SHC3: variants seen among roughly 807,000 people sequenced by gnomAD.
The protein encoded by SHC3 is SHC adaptor protein 3.
A neutral mutation model predicts 60.4 loss-of-function variants in SHC3; 15 were observed. The ratio of observed to expected loss-of-function variants is 0.25; its 90% CI spans 0.17 to 0.38. The LOEUF (loss-of-function observed/expected upper bound fraction) is 0.38. Ranked by LOEUF, SHC3 falls within the 10% of genes least tolerant of loss-of-function variation. The probability of loss-of-function intolerance (pLI) is 1.00; values close to 1 mark genes in which losing one functional copy is unlikely to be tolerated. For synonymous variants in SHC3, 294 were observed against 325.9 expected (o/e 0.90, Z 1.05); for missense variants, 677 against 786.1 (o/e 0.86, Z 1.66).
At chr9:89,137,008 A>G (rs542686311) in intron 1 of SHC3, among the ~76,000 whole-genome samples, 2 of 152,150 alleles carry the variant, frequency 1.3e-5, no homozygotes, top group Non-Finnish European at 2.9e-5. Flanking sequence ...CACATCTTAC[A>G]TGCTTGGAGC....
Position 89,046,841 on chromosome 9 carries a change from T to C in SHC3, c.1113+3A>G. On this transcript the variant is annotated splice_donor_region_variant and intron_variant, in intron 8 of 11. Transcript: ENST00000375835. ...TATATAAGAAAAAAACTATAAGACT[T>C]ACCTGGGCTGTGTCAGGAGCATGGG... 1 of 1,585,176 alleles carries C rather than the reference T, an allele frequency of 6.3e-7. No homozygotes were observed. The highest frequency in any genetic ancestry group is 8.6e-7 in the Non-Finnish European group (1 of 1,168,248).
At chr9:89,136,026 C>T (rs1312211638) in intron 1 of SHC3, among the ~76,000 whole-genome samples, 2 of 152,276 alleles carry the variant, frequency 1.3e-5, no homozygotes, top group Admixed American at 1.3e-4. Flanking sequence ...CCAGATATCA[C>T]ATTTTGTCAG....
At chr9:89,024,923 G>A (rs1039231985) in intron 11 of SHC3, among the ~76,000 whole-genome samples, 7 of 152,170 alleles carry the variant, frequency 4.6e-5, no homozygotes, top group African/African-American at 1.2e-4. Context: ...GTGGTGTGGC[G>A]GGGAACCCAG....
Position 89,077,873 on chromosome 9 carries a change from C to A in SHC3, c.576G>T (p.Val192=). 1 of 1,614,242 alleles carries A rather than the reference C, an allele frequency of 6.2e-7. No homozygotes were observed. The change falls in exon 3 of 12, where the codon GTG becomes GTT. Residue 192 remains valine (V), a synonymous_variant. Coordinates refer to ENST00000375835, the MANE Select transcript of SHC3 (RefSeq NM_016848.6). ...TCTTGAAGGCTCCCTTCGCACCAGG[C>A]ACAGCTTCACAGACGCGGCTGATGG... The part of the protein sequence containing the change: ...REAISRVCEA[V]PGAKGAFKKR...
chr9:89,020,095 C>A (rs770246222), intron 11 of SHC3, among the ~76,000 whole-genome samples: 7 of 152,116 alleles, frequency 4.6e-5, no homozygotes, highest in Non-Finnish European at 2.9e-5. Context: ...AGGTAGAGAT[C>A]CCCAAGGTTT....
At chr9:89,128,651 C>A (rs1052250299) in intron 1 of SHC3, among the ~76,000 whole-genome samples, 1 of 152,170 alleles carries the variant, frequency 6.6e-6, no homozygotes, top group African/African-American at 2.4e-5. Flanking sequence ...CTGGAGTGGA[C>A]CTCCAGCAAA....
intron 2 of SHC3, chr9:89,088,516 G>C (rs1157237528): frequency 2.0e-5 from 3 of 152,190 alleles, no homozygotes; most frequent in Non-Finnish European, 4.4e-5. Flanking sequence ...TACAGAGTTT[G>C]ACTGTTTTTG....
At chr9:89,152,613 C>T (rs949563362) in intron 1 of SHC3, among the ~76,000 whole-genome samples, 1 of 152,226 alleles carries the variant, frequency 6.6e-6, no homozygotes, top group African/African-American at 2.4e-5. Flanking sequence ...TAACATGGCA[C>T]ATCCGTCTGA....
At position 89,012,739 on chromosome 9, in the gene SHC3, T is replaced by C. The variant is rs976860698; in HGVS notation, c.*708A>G. On this transcript the variant is annotated 3_prime_UTR_variant, in exon 12 of 12. Transcript: ENST00000375835. ...CATGAAATGAATTCCCAAGTACTCC[T>C]CGCACAACTGGGGTCAAGGGTGGCG... 20 of 152,328 alleles carry C rather than the reference T, an allele frequency of 1.3e-4. No homozygotes were observed. The highest frequency in any genetic ancestry group is 4.3e-4 in the African/African-American group (18 of 41,560). The allele number at this position is 152,328 out of a possible 1,614,324, so 9.4% of individuals were successfully genotyped here.
Position 89,010,004 on chromosome 9 carries a change from C to T in SHC3, c.*3443G>A, listed in dbSNP as rs928922353. 1 of 152,240 alleles carries T rather than the reference C, an allele frequency of 6.6e-6. No homozygotes were observed. Among genetic ancestry groups the T allele is most frequent in the African/African-American group, 2.4e-5 (1 of 41,468 alleles). The allele number at this position is 152,240 out of a possible 1,614,324, so 9.4% of individuals were successfully genotyped here. On this transcript the variant is annotated 3_prime_UTR_variant, in exon 12 of 12. Transcript: ENST00000375835. ...CCTTTAGGGTCCACCCTTCCCTAGG[C>T]CTGTCCTTCCTTTTAAGTTAGGACT...
At chr9:89,027,860 G>A (rs560604567) in intron 11 of SHC3, among the ~76,000 whole-genome samples, 2 of 152,236 alleles carry the variant, frequency 1.3e-5, no homozygotes, top group South Asian at 2.1e-4. Context: ...CAGTGGAGGA[G>A]AGGGACCCTT....
In SHC3 at chr9:89,076,156, A is replaced by G. The variant is rs781341889; in HGVS notation, c.610-928T>C. ...TGAGGATGCCCCAGGATGAGCTGGG[A>G]CCTGGAAGATGAGATTCCCCTTCTT... is the stretch of plus-strand genomic sequence containing the variant. On this transcript the variant is annotated intron_variant, in intron 3 of 11. Transcript: ENST00000375835. Among the ~76,000 whole-genome samples, 32 of 151,968 alleles carry G rather than the reference A, an allele frequency of 2.1e-4. 1 individual carries two copies. Among genetic ancestry groups the G allele is most frequent in the Non-Finnish European group, 3.5e-4 (24 of 67,970 alleles).
intron 2 of SHC3, among the ~76,000 whole-genome samples, chr9:89,089,297 G>C (rs1455796753): frequency 6.6e-6 from 1 of 152,230 alleles, no homozygotes; most frequent in African/African-American, 2.4e-5. Context: ...GGAAACCTTA[G>C]AAAGGACCTG....
chr9:89,028,811 C>CTA (rs1259799479), intron 11 of SHC3, among the ~76,000 whole-genome samples: 2 of 144,780 alleles, frequency 1.4e-5, no homozygotes, highest in Non-Finnish European at 3.0e-5. Context: ...TCATCTATAT[C>CTA]TATATATAGC....
intron 11 of SHC3, among the ~76,000 whole-genome samples, chr9:89,019,044 G>C (rs1826153614): frequency 6.8e-6 from 1 of 147,480 alleles, no homozygotes; most frequent in South Asian, 2.1e-4. Context: ...GAGCGACAGA[G>C]CAAGACTCTG....
intron 8 of SHC3, 151 bp downstream of exon 8, chr9:89,046,693 T>C (rs1387940832): frequency 1.1e-6 from 1 of 912,824 alleles, no homozygotes; most frequent in Non-Finnish European, 1.5e-6. Flanking sequence ...TTCATCTGCA[T>C]GCCTCATGAA....
At chr9:89,027,291 T>C (rs1826327501) in intron 11 of SHC3, among the ~76,000 whole-genome samples, 1 of 151,646 alleles carries the variant, frequency 6.6e-6, no homozygotes, top group Non-Finnish European at 1.5e-5. Context: ...TTTTGAAGTT[T>C]TTGACAGTAG....
At chr9:89,175,278 C>T (rs1826926841) in intron 1 of SHC3, among the ~76,000 whole-genome samples, 1 of 152,196 alleles carries the variant, frequency 6.6e-6, no homozygotes, top group Non-Finnish European at 1.5e-5. Context: ...TAAGCTGCAG[C>T]CTTTCTGTGT....
chr9:89,027,327 A>ATTTTTTTTTTTTTTTTTTTTTTTT (rs540788767), intron 11 of SHC3, among the ~76,000 whole-genome samples: 1 of 130,350 alleles, frequency 7.7e-6, no homozygotes. Flanking sequence ...TGAAATTCTG[A>ATTTTTTTTTTTTTTTTTTTTTTTT]TTTTTTTTTT....
Sources: allele counts gnomAD v4.1 joint callset (sites outside exome capture counted in the v4.1 genomes callset), GRCh38; gene constraint gnomAD v4.1.1; transcripts MANE v1.5; gene names NCBI Gene and HGNC (gene_info 2026-07-23, HGNC 2026-07-21).